The following EPM2A variants were observed in gnomAD, a reference collection of about 807,000 sequenced individuals.
EPM2A encodes laforin.
Under a neutral mutation model 26.5 loss-of-function variants are expected in EPM2A, and 21 were observed. That is an observed-to-expected ratio of 0.79 (90% CI 0.56 to 1.14). The LOEUF (loss-of-function observed/expected upper bound fraction) is 1.14, where lower values mean the gene tolerates loss of function less well. Ranked by LOEUF, EPM2A falls within the 50% of genes most tolerant of loss-of-function variation. The pLI, the probability that EPM2A is intolerant of heterozygous loss-of-function variation, is 0.00. For synonymous variants in EPM2A, 217 were observed against 177.6 expected, an observed-to-expected ratio of 1.22 and a Z score of -1.76; for missense variants, 458 against 440.8, an observed-to-expected ratio of 1.04 and a Z score of -0.35.
At chr6:145,418,401 G>A (rs1778736964) in intron 4 of EPM2A, among the ~76,000 whole-genome samples, 1 of 152,190 alleles carries the variant, frequency 6.6e-6, no homozygotes, top group African/African-American at 2.4e-5. Context: ...GTGCAGGTGA[G>A]GGGAAAGGAT....
At chr6:145,561,421 A>C (rs1780803110) in intron 2 of EPM2A, among the ~76,000 whole-genome samples, 2 of 152,172 alleles carry the variant, frequency 1.3e-5, no homozygotes, top group South Asian at 4.1e-4. Flanking sequence ...AATATTCTAT[A>C]TTCAGTTTTG....
chr6:145,706,678 A>G lies in EPM2A; in HGVS notation c.302-20382T>C, dbSNP rs993962033. On this transcript the variant is annotated intron_variant, in intron 1 of 3. Transcript: ENST00000367519. The stretch of plus-strand genomic sequence containing the variant: ...AAAATAATATGCCGCTGTACTCCCA[A>G]TCCAAAGGAATGTGTATACGCATGT... Among the ~76,000 whole-genome samples, 5 of 152,250 alleles carry G rather than the reference A, an allele frequency of 3.3e-5. 1 individual carries two copies. In the South Asian group the frequency reaches 1.0e-3, roughly 32 times the overall value.
chr6:145,588,931 G>C (rs551850041), intron 2 of EPM2A, among the ~76,000 whole-genome samples: 1 of 152,282 alleles, frequency 6.6e-6, no homozygotes, highest in South Asian at 2.1e-4. Context: ...ACTACTAAAA[G>C]TTATGGAAGA....
At chr6:145,426,567 C>G (rs1778856988) in intron 4 of EPM2A, among the ~76,000 whole-genome samples, 1 of 152,016 alleles carries the variant, frequency 6.6e-6, no homozygotes, top group Non-Finnish European at 1.5e-5. Context: ...AACTATGCAT[C>G]CTTATAATCA....
At chr6:145,406,391 C>G (rs1778569936) in intron 4 of EPM2A, among the ~76,000 whole-genome samples, 1 of 152,116 alleles carries the variant, frequency 6.6e-6, no homozygotes, top group Non-Finnish European at 1.5e-5. Context: ...GATGGCAGTG[C>G]TTCAGAATAA....
At chr6:145,490,629 T>C in intron 4 of EPM2A, 1 of 649,916 alleles carries the variant, frequency 1.5e-6, no homozygotes, top group Admixed American at 1.8e-5. Context: ...AAAGATACCT[T>C]TCATTGCATA....
At chr6:145,582,401 A>G (rs891255064) in intron 2 of EPM2A, among the ~76,000 whole-genome samples, 2 of 152,168 alleles carry the variant, frequency 1.3e-5, no homozygotes, top group Non-Finnish European at 2.9e-5. Flanking sequence ...AGAGAAGAAG[A>G]AGGCACATTC....
rs1021052303 is a variant in EPM2A at position 145,627,262 on chromosome 6, C to G, written c.*154G>C. 1.9e-6 allele frequency: 3 copies of G among 1,541,994 alleles called. No homozygotes were observed. On this transcript the variant is annotated 3_prime_UTR_variant, in exon 4 of 4. Transcript: ENST00000367519. ...TCAAAAATACAGCCCCAAAACAAAG[C>G]ATAATCGAAAGTCATCCCAGGTGAA...
chr6:145,686,012 A>G, intron 2 of EPM2A, 110 bp downstream of exon 2: 1 of 934,824 alleles, frequency 1.1e-6, no homozygotes, highest in South Asian at 1.4e-5. Flanking sequence ...ACAGGCCTAT[A>G]GACCCCTCCC....
intron 2 of EPM2A, chr6:145,639,412 T>G (rs1218029748): frequency 6.6e-6 from 1 of 152,156 alleles, no homozygotes; most frequent in Non-Finnish European, 1.5e-5. Context: ...TCAGAGATAC[T>G]TATAGAGAGG....
intron 3 of EPM2A, chr6:145,630,866 G>C (rs1776196185): frequency 6.6e-6 from 1 of 152,144 alleles, no homozygotes; most frequent in Admixed American, 6.5e-5. Context: ...ATTTATATAT[G>C]AACAAATTGA....
intron 4 of EPM2A, among the ~76,000 whole-genome samples, chr6:145,465,245 C>A (rs1363390794): frequency 6.6e-6 from 1 of 152,004 alleles, no homozygotes; most frequent in Non-Finnish European, 1.5e-5. Flanking sequence ...GATACCCTTT[C>A]TTCCAGTTGA....
rs192957293 is a variant in EPM2A, at chr6:145,688,280, G to T, written c.302-1984C>A. On this transcript the variant is annotated intron_variant, in intron 1 of 3. Coordinates refer to ENST00000367519, the MANE Select transcript of EPM2A (RefSeq NM_005670.4). ...TTAAGAAACTACTATATTGGCCTAG[G>T]TAGTTTATGATGAAGCTTGGTCACA... is the stretch of plus-strand genomic sequence containing the variant. Among the ~76,000 whole-genome samples, 665 of 152,312 alleles carry T rather than the reference G, an allele frequency of 4.4e-3. 5 individuals carry two copies. Among genetic ancestry groups the T allele is most frequent in the Middle Eastern group, 0.02 (6 of 294 alleles).
chr6:145,683,902 T>C (rs146062391), intron 2 of EPM2A, among the ~76,000 whole-genome samples: 207 of 152,136 alleles, frequency 1.4e-3, no homozygotes, highest in Non-Finnish European at 2.6e-3. Flanking sequence ...ACATAGTAAA[T>C]ATGAACAACT....
At chr6:145,678,600 G>C (rs537725203) in intron 2 of EPM2A, among the ~76,000 whole-genome samples, 5 of 152,302 alleles carry the variant, frequency 3.3e-5, no homozygotes, top group East Asian at 1.9e-4. Flanking sequence ...GATATGAACA[G>C]ACACTTCTCA....
intron 2 of EPM2A, among the ~76,000 whole-genome samples, chr6:145,508,887 T>C (rs962410958): frequency 2.0e-5 from 3 of 152,132 alleles, no homozygotes; most frequent in African/African-American, 7.2e-5. Context: ...ATAGTTATAT[T>C]AAGAAATAAC....
intron 2 of EPM2A, among the ~76,000 whole-genome samples, chr6:145,606,280 A>G (rs1255248996): frequency 1.3e-5 from 2 of 152,092 alleles, no homozygotes; most frequent in South Asian, 4.1e-4. Flanking sequence ...TTAACTGTTT[A>G]TTTTTCTAGA....
In EPM2A at chr6:145,735,272, GC is replaced by G; in HGVS notation, c.226del (p.Ala76ArgfsTer14). On this transcript the variant is annotated frameshift_variant, in exon 1 of 4. Transcript: ENST00000367519. LOFTEE classifies it high-confidence loss of function. ...LAAEEAAQDG[A>X]EPGRVDTFWY... The stretch of plus-strand genomic sequence containing the variant: ...GAACGTGTCCACGCGGCCCGGCTCC[GC>G]CCCGTCCTGCGCCGCCTCCTCGGCC... 1 of 1,502,456 alleles carries G rather than the reference GC, an allele frequency of 6.7e-7. No individual in the cohort carries two copies. Among genetic ancestry groups the G allele is most frequent in the Non-Finnish European group, 8.9e-7 (1 of 1,123,304 alleles). 93.1% of individuals were successfully genotyped at this position (1,502,456 alleles called of 1,614,324 possible). A position where few individuals can be genotyped will look rare whatever the true frequency, so the allele number is the denominator to read the frequency against.
At chr6:145,461,640 T>G (rs1779330003) in intron 4 of EPM2A, among the ~76,000 whole-genome samples, 1 of 152,144 alleles carries the variant, frequency 6.6e-6, no homozygotes, top group Non-Finnish European at 1.5e-5. Flanking sequence ...CATCTGAAAG[T>G]GACTTTCTGG....
Sources: allele counts gnomAD v4.1 joint callset (sites outside exome capture counted in the v4.1 genomes callset), GRCh38; gene constraint gnomAD v4.1.1; transcripts MANE v1.5; gene names NCBI Gene and HGNC (gene_info 2026-07-23, HGNC 2026-07-21).